KCNIP3: variants seen among roughly 807,000 people sequenced by gnomAD.
KCNIP3 encodes the protein potassium voltage-gated channel interacting protein 3.
In KCNIP3, 28 loss-of-function variants were observed where a neutral mutation model predicts 35.0. The ratio of observed to expected loss-of-function variants is 0.80; its 90% CI spans 0.59 to 1.10. KCNIP3 has a LOEUF of 1.10. KCNIP3 is among the 50% of genes least tolerant of loss of function. The pLI, the probability that KCNIP3 is intolerant of heterozygous loss-of-function variation, is 0.00. For missense variants in KCNIP3, 295 were observed against 338.4 expected (o/e 0.87, Z 1.01); for synonymous variants, 134 against 133.8 (o/e 1.00, Z -0.01).
intron 1 of KCNIP3, among the ~76,000 whole-genome samples, chr2:95,307,055 C>T (rs981945556): frequency 1.3e-5 from 2 of 152,192 alleles, no homozygotes; most frequent in Non-Finnish European, 1.5e-5. Context: ...GTCCCTGGCC[C>T]TCCCCTCCCT....
At position 95,378,823 on chromosome 2, in the gene KCNIP3, T is replaced by C. The variant is rs183309984; in HGVS notation, c.448-2773T>C. Among the ~76,000 whole-genome samples the C allele has an allele frequency of 5.1e-3, 764 of 150,812 alleles. 2 individuals are homozygous for C. The highest frequency in any genetic ancestry group is 8.6e-3 in the Non-Finnish European group (582 of 67,676). On this transcript the variant is annotated intron_variant, in intron 5 of 8. Transcript: ENST00000295225. This position sits in a 1 kb window ranked among gnomAD's most constrained non-coding sequence, Gnocchi z 4.0. ...ATATATATATACACACACACACACATATATACACACATATTTATATACACA... is the reference window on the plus strand; with the variant it reads ...ATATATATATACACACACACACACACATATACACACATATTTATATACACA...
rs1680218454 is a variant in KCNIP3 at position 95,377,056 on chromosome 2, C to T, written c.447+1848C>T. ...CAAGCGGGCGATGCCATCCCCACAC[C>T]CCACCTTGGAGTGGCTCCTGCTCCC... On this transcript the variant is annotated intron_variant, in intron 5 of 8. Transcript: ENST00000295225. The surrounding 1 kb of genome is among the most constrained non-coding windows in gnomAD (Gnocchi z 4.7). Among the ~76,000 whole-genome samples the T allele has an allele frequency of 6.6e-6, 1 of 152,358 alleles. No individual in the cohort carries two copies. The highest frequency in any genetic ancestry group is 3.4e-3 in the Middle Eastern group (1 of 294).
chr2:95,366,581 C>G (rs533880542), intron 2 of KCNIP3, among the ~76,000 whole-genome samples: 1 of 152,164 alleles, frequency 6.6e-6, no homozygotes, highest in Non-Finnish European at 1.5e-5. Context: ...GGAAGAGCCT[C>G]TTTATAAGAA....
intron 2 of KCNIP3, among the ~76,000 whole-genome samples, chr2:95,321,960 C>T (rs1397668218): frequency 6.6e-6 from 1 of 152,118 alleles, no homozygotes; most frequent in African/African-American, 2.4e-5. Flanking sequence ...CCTCAGGCCA[C>T]GTTTCCACTA....
rs1182673171 is a variant in KCNIP3 at position 95,378,462 on chromosome 2, C to T, written c.448-3134C>T. Among the ~76,000 whole-genome samples, 3 of 151,712 alleles carry T rather than the reference C, an allele frequency of 2.0e-5. No individual in the cohort carries two copies. The highest frequency in any genetic ancestry group is 2.1e-4 in the South Asian group (1 of 4,782). On this transcript the variant is annotated intron_variant, in intron 5 of 8. Coordinates refer to ENST00000295225, the MANE Select transcript of KCNIP3 (RefSeq NM_013434.5). The surrounding 1 kb of genome is among the most constrained non-coding windows in gnomAD (Gnocchi z 4.0). ...TTAAAATATTTTCATTGGCCGGGCT[C>T]GGTGGCTCACGCCTGCAATCCCAGC...
intron 2 of KCNIP3, chr2:95,310,757 A>G (rs1385033394): frequency 7.3e-6 from 4 of 544,724 alleles, no homozygotes; most frequent in Non-Finnish European, 1.3e-5. Context: ...GAGAGCTGGG[A>G]CCACACTGCG....
At chr2:95,346,947 C>G in intron 2 of KCNIP3, 1 of 1,089,728 alleles carries the variant, frequency 9.2e-7, no homozygotes, top group African/African-American at 1.7e-5. Flanking sequence ...CTGCAGGGGC[C>G]CCGGTGCCTC....
chr2:95,327,563 G>T (rs1678824529), intron 2 of KCNIP3, among the ~76,000 whole-genome samples: 1 of 152,204 alleles, frequency 6.6e-6, no homozygotes, highest in Non-Finnish European at 1.5e-5. Context: ...ACCTCCTGGG[G>T]CCAGAGCAAG....
At chr2:95,308,948 C>T (rs150199209) in intron 1 of KCNIP3, among the ~76,000 whole-genome samples, 1 of 152,214 alleles carries the variant, frequency 6.6e-6, no homozygotes, top group African/African-American at 2.4e-5. Context: ...GTAGCACACA[C>T]GAGACCCTGT....
At position 95,310,521 on chromosome 2, in the gene KCNIP3, G is replaced by A; in HGVS notation, c.181+1G>A. On this transcript the variant is annotated splice_donor_variant, in intron 2 of 8. Transcript: ENST00000295225. LOFTEE classifies it high-confidence loss of function. ...TCCAGCACAGCCCCACAGGGCTCAGGTAGGGGCCAGGGTGGGCTGTGGTCA... is the reference window on the plus strand; with the variant it reads ...TCCAGCACAGCCCCACAGGGCTCAGATAGGGGCCAGGGTGGGCTGTGGTCA... The A allele has an allele frequency of 6.2e-7, 1 of 1,611,184 alleles. No individual in the cohort carries two copies. Among genetic ancestry groups the A allele is most frequent in the Admixed American group, 1.7e-5 (1 of 59,936 alleles).
chr2:95,327,212 C>A (rs570976838), intron 2 of KCNIP3, among the ~76,000 whole-genome samples: 1 of 152,266 alleles, frequency 6.6e-6, no homozygotes, highest in African/African-American at 2.4e-5. Flanking sequence ...GATGATGGTG[C>A]CTTACACTAA....
chr2:95,348,478 A>C (rs1472130034), intron 2 of KCNIP3, among the ~76,000 whole-genome samples: 1 of 152,152 alleles, frequency 6.6e-6, no homozygotes, highest in Non-Finnish European at 1.5e-5. Context: ...GCTGGTGCAC[A>C]GGGAAGCTGT....
chr2:95,352,544 C>T (rs191297342), intron 2 of KCNIP3, among the ~76,000 whole-genome samples: 170 of 152,232 alleles, frequency 1.1e-3, no homozygotes, highest in African/African-American at 4.0e-3. Context: ...CCATGCTCCC[C>T]GACCAGCCTT....
At chr2:95,360,866 G>T (rs1037813349) in intron 2 of KCNIP3, among the ~76,000 whole-genome samples, 1 of 152,226 alleles carries the variant, frequency 6.6e-6, no homozygotes, top group Non-Finnish European at 1.5e-5. Context: ...ACTTCTTACA[G>T]GTTCCACCTC....
rs368795741 is a variant in KCNIP3 at position 95,374,396 on chromosome 2, G to T, written c.282G>T (p.Gln94His). The change falls in exon 3 of 9, where the codon CAG becomes CAT. Residue 94 changes from glutamine (Q) to histidine (H), a missense_variant. Gln to His is a conservative substitution (Grantham distance 24). Transcript: ENST00000295225. ...AQTKFTKKEL[Q>H]SLYRGFKNEC... ...CCAAGTTCACCAAGAAGGAGCTGCA[G>T]TCTCTCTACAGGGGCTTTAAGAATG... The T allele has an allele frequency of 6.2e-7, 1 of 1,614,082 alleles. No homozygotes were observed. Among genetic ancestry groups the T allele is most frequent in the African/African-American group, 1.3e-5 (1 of 74,948 alleles).
rs1198367107 is a variant in KCNIP3, at chr2:95,374,372, C to G, written c.258C>G (p.Thr86=). 6.2e-7 allele frequency: 1 copy of G among 1,614,186 alleles called. No individual in the cohort carries two copies. Among genetic ancestry groups the G allele is most frequent in the African/African-American group, 1.3e-5 (1 of 75,058 alleles). Residue 86 remains threonine, a synonymous_variant, in exon 3 of 9, where the codon ACC becomes ACG. Coordinates refer to ENST00000295225, the MANE Select transcript of KCNIP3 (RefSeq NM_013434.5). The part of the protein sequence containing the change: ...PEGLDQLQAQ[T]KFTKKELQSL... ...GGCTGGACCAGCTGCAGGCCCAGAC[C>G]AAGTTCACCAAGAAGGAGCTGCAGT... is the stretch of plus-strand genomic sequence containing the variant.
At chr2:95,333,262 C>G (rs938745606) in intron 2 of KCNIP3, among the ~76,000 whole-genome samples, 2 of 152,246 alleles carry the variant, frequency 1.3e-5, no homozygotes, top group African/African-American at 4.8e-5. Flanking sequence ...CTCCTTGAGG[C>G]CAGGGCCGCA....
At chr2:95,337,424 G>A (rs537120523) in intron 2 of KCNIP3, among the ~76,000 whole-genome samples, 4 of 152,060 alleles carry the variant, frequency 2.6e-5, no homozygotes, top group South Asian at 4.2e-4. Context: ...GGGCGGGGGA[G>A]GGAATGATGT....
At chr2:95,315,850 T>C (rs1678447429) in intron 2 of KCNIP3, among the ~76,000 whole-genome samples, 1 of 152,136 alleles carries the variant, frequency 6.6e-6, no homozygotes, top group Admixed American at 6.5e-5. Context: ...ACAGCCTCCC[T>C]GCGCCCTCCA....
Sources: gnomAD v4.1 joint callset for allele counts (sites outside exome capture counted in the v4.1 genomes callset) on GRCh38, gnomAD v4.1.1 for gene constraint, Gnocchi (gnomAD v3.1) non-coding constraint, MANE v1.5 for transcripts, NCBI Gene and HGNC (gene_info 2026-07-23, HGNC 2026-07-21) for gene names.